GAS5: variants seen among roughly 807,000 people sequenced by gnomAD.
The protein encoded by GAS5 is growth arrest specific 5 (non-protein coding).
chr1:173,866,828 G>A (rs929037959), intron 1 of GAS5: 40 of 765,216 alleles, frequency 5.2e-5, no homozygotes, highest in Non-Finnish European at 1.2e-5. Flanking sequence ...GCAAAACAGT[G>A]AGAATGAACC....
intron 6 of GAS5, chr1:173,864,586 C>T (rs1654264931): frequency 7.9e-6 from 3 of 377,900 alleles, no homozygotes; most frequent in South Asian, 5.9e-5. Flanking sequence ...AACTTTTAAA[C>T]AGCTAATCAC....
At chr1:173,864,237 C>G (rs1449329897) in intron 7 of GAS5, 5 of 514,820 alleles carry the variant, frequency 9.7e-6, no homozygotes, top group Non-Finnish European at 1.9e-5. Context: ...TATAATAGTC[C>G]CAACATTTCC....
intron 1 of GAS5, chr1:173,866,910 T>C (rs757829227): frequency 1.3e-5 from 10 of 765,512 alleles, no homozygotes; most frequent in Non-Finnish European, 4.8e-6. Flanking sequence ...AAATCCCTTC[T>C]GTCCACTACT....
intron 4 of GAS5, chr1:173,866,018 C>T (rs1245274569): frequency 1.9e-6 from 1 of 519,014 alleles, no homozygotes; most frequent in Non-Finnish European, 3.8e-6. Context: ...ATTTGCTTAT[C>T]ATCATCCAGG....
At chr1:173,864,357 T>C (rs757284569) in intron 6 of GAS5, 10 of 518,950 alleles carry the variant, frequency 1.9e-5, no homozygotes, top group South Asian at 1.4e-4. Context: ...GTGTGATGCT[T>C]GTTAGTAGAG....
At chr1:173,868,580 G>T (rs1050347590), upstream of GAS5, among the ~76,000 whole-genome samples, 5 of 152,170 alleles carry the variant, frequency 3.3e-5, no homozygotes, top group Non-Finnish European at 7.4e-5. Flanking sequence ...CGGCCGGGCT[G>T]ATCTGCCGGA....
At chr1:173,864,717 GACAAT>G in intron 6 of GAS5, 1 of 468,638 alleles carries the variant, frequency 2.1e-6, no homozygotes, top group South Asian at 1.5e-5. Context: ...GAAATTAAGG[GACAAT>G]ACACAGTAAG....
upstream of GAS5, chr1:173,867,747 G>C (rs1267060813): frequency 1.9e-6 from 1 of 519,112 alleles, no homozygotes; most frequent in South Asian, 1.4e-5. Context: ...CAGAGGCAGG[G>C]CACGAGAGCC....
intron 5 of GAS5, chr1:173,865,757 T>C (rs868375277): frequency 1.5e-5 from 8 of 518,702 alleles, no homozygotes; most frequent in Middle Eastern, 6.3e-4. Context: ...GAAAATACAG[T>C]CAGTATTCAT....
At chr1:173,866,103 A>C in intron 4 of GAS5, 1 of 512,122 alleles carries the variant, frequency 2.0e-6, no homozygotes, top group Non-Finnish European at 3.9e-6. Context: ...CAGCACTAGG[A>C]GGTAACTAAA....
intron 6 of GAS5, chr1:173,864,688 A>C: frequency 2.4e-6 from 1 of 424,428 alleles, no homozygotes; most frequent in Non-Finnish European, 4.6e-6. Context: ...CATTTCTTCA[A>C]TCATGAATTC....
chr1:173,867,436 C>A, upstream of GAS5: 1 of 359,188 alleles, frequency 2.8e-6, no homozygotes, highest in Non-Finnish European at 5.5e-6. Context: ...CTGCTTAACT[C>A]GGGACGCGGA....
chr1:173,866,688 T>C, intron 2 of GAS5: 1 of 765,190 alleles, frequency 1.3e-6, no homozygotes, highest in Non-Finnish European at 2.4e-6. Flanking sequence ...CACTCAAGAG[T>C]AGCAAATAAA....
chr1:173,865,388 G>A (rs1051702599), intron 6 of GAS5: 2 of 515,786 alleles, frequency 3.9e-6, no homozygotes, highest in East Asian at 5.5e-5. Flanking sequence ...TTCTTTCTCA[G>A]AGAGATTCCC....
chr1:173,864,691 A>G (rs1654279999), intron 6 of GAS5: 4 of 426,454 alleles, frequency 9.4e-6, no homozygotes, highest in East Asian at 6.4e-5. Context: ...TTCTTCAATC[A>G]TGAATTCTGA....
chr1:173,868,579 T>C (rs1292840013), upstream of GAS5, among the ~76,000 whole-genome samples: 1 of 152,154 alleles, frequency 6.6e-6, no homozygotes, highest in Non-Finnish European at 1.5e-5. Flanking sequence ...CCGGCCGGGC[T>C]GATCTGCCGG....
At chr1:173,866,551 GGCTT>G (rs1654690763) in exon 3 of GAS5, 2 of 743,690 alleles carry the variant, frequency 2.7e-6, no homozygotes, top group Admixed American at 1.8e-5. Context: ...GCTTGAGTTA[GGCTT>G]GCTCTTTAGG....
chr1:173,864,770 AAAC>A (rs985194303), intron 6 of GAS5: 2 of 516,000 alleles, frequency 3.9e-6, no homozygotes, highest in Middle Eastern at 3.2e-4. Flanking sequence ...CAAAATCTCC[AAAC>A]ATTATAGAAT....
chr1:173,867,372 C>CTA (rs879046244), upstream of GAS5: 2 of 374,712 alleles, frequency 5.3e-6, no homozygotes. Context: ...ATATAAAAGC[C>CTA]TAGCATGGTG....
Sources: allele counts gnomAD v4.1 joint callset (sites outside exome capture counted in the v4.1 genomes callset), GRCh38; gene constraint gnomAD v4.1.1; transcripts MANE v1.5; gene names NCBI Gene and HGNC (gene_info 2026-07-23, HGNC 2026-07-21).